The following DOCK9 variants were observed in gnomAD, a reference collection of about 807,000 sequenced individuals.
The protein encoded by DOCK9 is dedicator of cytokinesis 9, also known as dedicator of cytokinesis protein 9.
In DOCK9, 89 loss-of-function variants were observed where a neutral mutation model predicts 263.3. The observed-to-expected ratio is 0.34, with a 90% CI of 0.28 to 0.40. DOCK9 has a LOEUF of 0.40. DOCK9 is among the 10% of genes least tolerant of loss of function. DOCK9 has a pLI of 1.00. For missense variants in DOCK9, 2,140 were observed against 2,603.4 expected, an observed-to-expected ratio of 0.82 and a Z score of 3.87; for synonymous variants, 976 against 973.1, an observed-to-expected ratio of 1.00 and a Z score of -0.06.
chr13:99,000,340 A>T (rs905838151), intron 1 of DOCK9, among the ~76,000 whole-genome samples: 16 of 152,178 alleles, frequency 1.1e-4, no homozygotes, highest in Non-Finnish European at 1.5e-5. Flanking sequence ...TCCTCTCTTC[A>T]CAAGGCCCCA....
intron 22 of DOCK9, 77 bp downstream of exon 22, chr13:98,883,736 G>T (rs900955046): frequency 5.6e-6 from 5 of 890,162 alleles, no homozygotes; most frequent in Middle Eastern, 2.2e-4. Context: ...AACACATTAG[G>T]ATTTTTTTCT....
At chr13:99,028,673 T>C (rs1430308309) in intron 1 of DOCK9, among the ~76,000 whole-genome samples, 2 of 152,184 alleles carry the variant, frequency 1.3e-5, no homozygotes, top group Admixed American at 1.3e-4. Flanking sequence ...CAAGCAGAAC[T>C]TTAATTAAAT....
At chr13:98,916,169 G>A (rs549322925) in intron 7 of DOCK9, among the ~76,000 whole-genome samples, 2 of 152,344 alleles carry the variant, frequency 1.3e-5, no homozygotes, top group Non-Finnish European at 2.9e-5. Flanking sequence ...ACTAGGCCAG[G>A]ATTTCTCAAT....
intron 1 of DOCK9, among the ~76,000 whole-genome samples, chr13:99,058,793 A>G (rs1045071426): frequency 2.0e-5 from 3 of 152,184 alleles, no homozygotes; most frequent in Non-Finnish European, 4.4e-5. Flanking sequence ...CATAGGGCAC[A>G]TGTAGCAGCC....
At chr13:98,853,223 G>C (rs903601349) in intron 35 of DOCK9, among the ~76,000 whole-genome samples, 185 bp downstream of exon 35, 2 of 152,046 alleles carry the variant, frequency 1.3e-5, no homozygotes, top group Non-Finnish European at 2.9e-5. Flanking sequence ...CCCACAATAA[G>C]GTTCTTATTT....
intron 33 of DOCK9, chr13:98,858,256 T>C (rs566555528): frequency 6.6e-6 from 1 of 152,296 alleles, no homozygotes; most frequent in Non-Finnish European, 1.5e-5. Flanking sequence ...TCGTCCCTCT[T>C]CCCTTGGTAC....
intron 1 of DOCK9, among the ~76,000 whole-genome samples, chr13:98,973,629 C>T (rs1472597553): frequency 6.6e-6 from 1 of 152,290 alleles, no homozygotes; most frequent in East Asian, 1.9e-4. Context: ...CAAGGTCTTA[C>T]TCTGTCACCC....
intron 7 of DOCK9, among the ~76,000 whole-genome samples, chr13:98,918,582 T>C (rs2051292840): frequency 6.6e-6 from 1 of 151,992 alleles, no homozygotes; most frequent in South Asian, 2.1e-4. Context: ...ATCAGAACCT[T>C]CCAAACGACA....
At chr13:98,841,652 C>T (rs1355896875) in intron 38 of DOCK9, among the ~76,000 whole-genome samples, 5 of 142,150 alleles carry the variant, frequency 3.5e-5, no homozygotes, top group Non-Finnish European at 7.6e-5. Context: ...GACGAAGTCT[C>T]GCTTTGTCAC....
At position 98,885,699 on chromosome 13, in the gene DOCK9, C is replaced by A. The variant is rs373649201; in HGVS notation, c.2260+9G>T. On this transcript the variant is annotated intron_variant, in intron 20 of 52. Coordinates refer to ENST00000682017, the MANE Select transcript of DOCK9 (RefSeq NM_001366683.2). ...ATTTAAAATCAAAGGAATGGTAAGCCCCCCCAACCTTGGGTTTCAACGACA... is the reference window on the plus strand; with the variant it reads ...ATTTAAAATCAAAGGAATGGTAAGCACCCCCAACCTTGGGTTTCAACGACA... 7.0e-5 allele frequency: 113 copies of A among 1,603,384 alleles called. No individual in the cohort carries two copies. The highest frequency in any genetic ancestry group is 6.2e-4 in the African/African-American group (46 of 74,374).
intron 1 of DOCK9, among the ~76,000 whole-genome samples, chr13:99,035,498 A>G (rs1887778502): frequency 6.6e-6 from 1 of 152,206 alleles, no homozygotes. Context: ...GATACGTGCA[A>G]TTTTAAAGTC....
intron 8 of DOCK9, among the ~76,000 whole-genome samples, chr13:98,915,048 C>T (rs2050664239): frequency 6.6e-6 from 1 of 152,148 alleles, no homozygotes; most frequent in African/African-American, 2.4e-5. Context: ...TTACCCAGGG[C>T]TACACAGCTG....
intron 18 of DOCK9, among the ~76,000 whole-genome samples, chr13:98,887,141 A>ATTTTTTTTTTTTT (rs1335567169): frequency 3.4e-5 from 2 of 59,632 alleles, no homozygotes; most frequent in Non-Finnish European, 5.9e-5. Flanking sequence ...ATATATATAT[A>ATTTTTTTTTTTTT]TATTTTTTTT....
chr13:99,051,902 T>C (rs1399199500), intron 1 of DOCK9, among the ~76,000 whole-genome samples: 1 of 146,618 alleles, frequency 6.8e-6, no homozygotes, highest in Non-Finnish European at 1.5e-5. Context: ...CTGCTGAATT[T>C]CCTCATAACA....
chr13:99,032,426 A>G (rs1821971752), intron 1 of DOCK9, among the ~76,000 whole-genome samples: 1 of 151,598 alleles, frequency 6.6e-6, no homozygotes, highest in African/African-American at 2.4e-5. Context: ...CAGTGAGCTG[A>G]GATCACACCA....
At chr13:98,824,947 G>T (rs2092462213) in intron 44 of DOCK9, among the ~76,000 whole-genome samples, 1 of 152,168 alleles carries the variant, frequency 6.6e-6, no homozygotes. Context: ...CACCCACTCT[G>T]GCCAGGGAAG....
chr13:98,824,382 G>T lies in DOCK9; in HGVS notation c.5130+16C>A. On this transcript the variant is annotated intron_variant, in intron 45 of 52. Coordinates refer to ENST00000682017, the MANE Select transcript of DOCK9 (RefSeq NM_001366683.2). ...TACCCCAGTACCTGAAAGCCCACAT[G>T]AGTTCAAGCACGCACCTCGTTGAAA... 6.2e-7 allele frequency: 1 copy of T among 1,611,310 alleles called. No individual in the cohort carries two copies. Among genetic ancestry groups the T allele is most frequent in the Non-Finnish European group, 8.5e-7 (1 of 1,177,768 alleles).
intron 1 of DOCK9, among the ~76,000 whole-genome samples, chr13:98,989,340 GA>G: frequency 7.8e-6 from 1 of 127,736 alleles, no homozygotes; most frequent in African/African-American, 3.0e-5. Context: ...TGATGATGAT[GA>G]TGATGATAAT....
chr13:98,997,104 G>A (rs1272437431), intron 1 of DOCK9, among the ~76,000 whole-genome samples: 1 of 152,230 alleles, frequency 6.6e-6, no homozygotes, highest in African/African-American at 2.4e-5. Context: ...GGAAAAGAGG[G>A]CTTCTCGAAT....
Sources: gnomAD v4.1 joint callset for allele counts (sites outside exome capture counted in the v4.1 genomes callset) on GRCh38, gnomAD v4.1.1 for gene constraint, MANE v1.5 for transcripts, NCBI Gene and HGNC (gene_info 2026-07-23, HGNC 2026-07-21) for gene names.